The following NAALADL2 variants were observed in gnomAD, a reference collection of about 807,000 sequenced individuals.
NAALADL2 encodes N-acetylated alpha-linked acidic dipeptidase like 2.
NAALADL2 carries 76 observed loss-of-function variants against 87.2 expected under a neutral mutation model. That is an observed-to-expected ratio of 0.87 (90% CI 0.72 to 1.05). The LOEUF (loss-of-function observed/expected upper bound fraction) is 1.05. Among genes scored for constraint, NAALADL2 ranks in the 50% least tolerant of loss-of-function variants. NAALADL2 has a pLI of 0.00. For synonymous variants in NAALADL2, 354 were observed against 331.0 expected, an observed-to-expected ratio of 1.07 and a Z score of -0.75; for missense variants, 1,089 against 945.8, an observed-to-expected ratio of 1.15 and a Z score of -1.99.
rs187515831 is a variant in NAALADL2, at chr3:174,880,473, A to G, written c.43+21023A>G. Among the ~76,000 whole-genome samples the G allele has an allele frequency of 2.1e-3, 316 of 152,162 alleles. 3 individuals are homozygous for G. The highest frequency in any genetic ancestry group is 0.018 in the Admixed American group (281 of 15,274). ...ATTTTGATTTATTTTTTTCACTTTC[A>G]CTAACGCCCTCTGGTCTTGATTGCC... On this transcript the variant is annotated intron_variant, in intron 1 of 13. Coordinates refer to ENST00000454872, the MANE Select transcript of NAALADL2 (RefSeq NM_207015.3).
intron 2 of NAALADL2, among the ~76,000 whole-genome samples, chr3:175,107,695 T>C (rs899067769): frequency 2.0e-5 from 3 of 151,918 alleles, no homozygotes; most frequent in Non-Finnish European, 2.9e-5. Flanking sequence ...ATATGAAAAA[T>C]TGATATTGAA....
At chr3:174,502,644 G>A (rs1030102443) in intron 1 of NAALADL2, among the ~76,000 whole-genome samples, 61 of 152,226 alleles carry the variant, frequency 4.0e-4, no homozygotes, top group African/African-American at 1.4e-3. Context: ...CCTGTTAATA[G>A]GGGAGAGTAA....
At position 175,533,484 on chromosome 3, in the gene NAALADL2, G is replaced by C. The variant is rs528972006; in HGVS notation, c.1654-42557G>C. Among the ~76,000 whole-genome samples the C allele has an allele frequency of 4.6e-5, 7 of 152,250 alleles. No homozygotes were observed. The South Asian group carries it at 1.5e-3, about 32-fold the overall frequency. On this transcript the variant is annotated intron_variant, in intron 9 of 13. Transcript: ENST00000454872. Reference sequence around the variant, plus strand: ...CACAGAGTTTGATCTCCTCAGAAAGGCTGATGGCAGCATGGGTCGGGGAGG... The same window carrying C: ...CACAGAGTTTGATCTCCTCAGAAAGCCTGATGGCAGCATGGGTCGGGGAGG...
chr3:175,276,909 G>C (rs1487058324), intron 4 of NAALADL2, among the ~76,000 whole-genome samples: 4 of 151,782 alleles, frequency 2.6e-5, no homozygotes, highest in African/African-American at 9.7e-5. Flanking sequence ...AATTCCAGAG[G>C]CACAAAAATA....
At chr3:174,679,139 C>T (rs1360729682) in intron 2 of NAALADL2, among the ~76,000 whole-genome samples, 2 of 152,100 alleles carry the variant, frequency 1.3e-5, no homozygotes, top group Non-Finnish European at 2.9e-5. Context: ...CGTTGTCTGT[C>T]TCTCACTTGT....
chr3:175,740,765 A>T (rs949004621), intron 12 of NAALADL2, among the ~76,000 whole-genome samples: 1 of 152,162 alleles, frequency 6.6e-6, no homozygotes, highest in African/African-American at 2.4e-5. Flanking sequence ...TACTTTAGGA[A>T]ATGTTCTGCT....
intron 1 of NAALADL2, among the ~76,000 whole-genome samples, chr3:174,887,379 TATTAATCA>T (rs1474870330): frequency 4.0e-5 from 6 of 150,834 alleles, no homozygotes; most frequent in Admixed American, 3.3e-4. Flanking sequence ...TTATTAATGG[TATTAATCA>T]ATTATATATG....
At chr3:175,394,745 A>G (rs1194845266) in intron 5 of NAALADL2, among the ~76,000 whole-genome samples, 1 of 152,216 alleles carries the variant, frequency 6.6e-6, no homozygotes, top group East Asian at 1.9e-4. Flanking sequence ...GAACGCCATT[A>G]CAGTCAATCA....
intron 11 of NAALADL2, among the ~76,000 whole-genome samples, chr3:175,667,223 G>T (rs922786262): frequency 5.3e-4 from 67 of 127,080 alleles, no homozygotes; most frequent in African/African-American, 2.6e-3. Flanking sequence ...AAGAAAGAAA[G>T]AAAGAAAGAA....
intron 11 of NAALADL2, among the ~76,000 whole-genome samples, chr3:175,634,192 G>A (rs1379439212): frequency 1.3e-5 from 2 of 151,802 alleles, no homozygotes; most frequent in African/African-American, 2.4e-5. Context: ...AACCATTTCT[G>A]TAATTATTAA....
chr3:174,631,979 A>G (rs898648318), intron 2 of NAALADL2: 4 of 152,180 alleles, frequency 2.6e-5, no homozygotes, highest in African/African-American at 7.2e-5. Context: ...CTGAAAGAGG[A>G]TCAGTCATGA....
At chr3:175,335,117 CA>C (rs1289840067) in intron 5 of NAALADL2, among the ~76,000 whole-genome samples, 1 of 152,170 alleles carries the variant, frequency 6.6e-6, no homozygotes, top group Non-Finnish European at 1.5e-5. Flanking sequence ...GACAAAACCT[CA>C]CCACGTCTAC....
intron 6 of NAALADL2, among the ~76,000 whole-genome samples, chr3:175,461,308 A>G (rs1723100235): frequency 6.6e-6 from 1 of 151,934 alleles, no homozygotes. Flanking sequence ...GCGTTTTTAC[A>G]GAGTGCTGAT....
At chr3:174,633,157 G>A (rs1175961877) in intron 2 of NAALADL2, among the ~76,000 whole-genome samples, 1 of 151,698 alleles carries the variant, frequency 6.6e-6, no homozygotes, top group Non-Finnish European at 1.5e-5. Flanking sequence ...CATTTGACAT[G>A]TAAAAACATA....
At chr3:175,196,603 C>T (rs1029725519) in intron 2 of NAALADL2, among the ~76,000 whole-genome samples, 14 of 152,010 alleles carry the variant, frequency 9.2e-5, no homozygotes, top group Middle Eastern at 3.4e-3. Context: ...ACATTGACTT[C>T]GCATTTTCTC....
upstream of NAALADL2, among the ~76,000 whole-genome samples, chr3:174,857,614 T>C (rs1400535731): frequency 6.6e-6 from 1 of 152,164 alleles, no homozygotes; most frequent in African/African-American, 2.4e-5. Flanking sequence ...ATGATTACAG[T>C]GTTTTATTGG....
At chr3:175,091,919 G>T (rs1459479408) in intron 1 of NAALADL2, among the ~76,000 whole-genome samples, 1 of 151,808 alleles carries the variant, frequency 6.6e-6, no homozygotes, top group Admixed American at 6.6e-5. Context: ...AACATCTCCA[G>T]TTCTTTGTTA....
chr3:174,963,421 TGGG>T (rs536076939), intron 1 of NAALADL2, among the ~76,000 whole-genome samples: 129 of 152,206 alleles, frequency 8.5e-4, no homozygotes, highest in Non-Finnish European at 1.2e-3. Flanking sequence ...AGACAGGAAA[TGGG>T]GGACAAGTAG....
At chr3:175,544,480 C>G (rs1712946171) in intron 9 of NAALADL2, among the ~76,000 whole-genome samples, 1 of 152,092 alleles carries the variant, frequency 6.6e-6, no homozygotes, top group Non-Finnish European at 1.5e-5. Context: ...AAAGTAACTT[C>G]CATAAATTTT....
Sources: allele counts gnomAD v4.1 joint callset (sites outside exome capture counted in the v4.1 genomes callset), GRCh38; gene constraint gnomAD v4.1.1; transcripts MANE v1.5; gene names NCBI Gene and HGNC (gene_info 2026-07-23, HGNC 2026-07-21).